Variants in TMEM94 observed in about 807,000 individuals in gnomAD.
The protein encoded by TMEM94 is ER Mg2+ ATPase.
In TMEM94, 81 loss-of-function variants were observed where a neutral mutation model predicts 158.6. The ratio of observed to expected loss-of-function variants is 0.51; its 90% confidence interval spans 0.43 to 0.61. The LOEUF (loss-of-function observed/expected upper bound fraction) is 0.61, where lower values mean the gene tolerates loss of function less well. TMEM94 is among the 20% of genes least tolerant of loss of function. The pLI is 0.00. For missense variants in TMEM94, 1,435 were observed against 1,762.0 expected (o/e 0.81, Z 3.32); for synonymous variants, 751 against 730.7 (o/e 1.03, Z -0.45).
chr17:75,486,029 TC>T (rs11331365), intron 4 of TMEM94, 31 bp downstream of exon 4: 1,311,871 of 1,584,460 alleles, frequency 0.83, 548,777 homozygotes, highest in South Asian at 0.87. Context: ...CCCCAACCTC[TC>T]CAGCTGTGCT....
At chr17:75,465,902 C>G (rs1024085104) in intron 1 of TMEM94, among the ~76,000 whole-genome samples, 2 of 151,158 alleles carry the variant, frequency 1.3e-5, no homozygotes, top group Non-Finnish European at 2.9e-5. Flanking sequence ...AACAATTTAT[C>G]AGTTGTTTTC....
At chr17:75,465,285 T>G (rs1040044491) in intron 1 of TMEM94, among the ~76,000 whole-genome samples, 2 of 152,112 alleles carry the variant, frequency 1.3e-5, no homozygotes, top group African/African-American at 2.4e-5. Flanking sequence ...GTGCTGAAAT[T>G]ACAGGCGTGA....
chr17:75,488,733 C>T (rs764251941), intron 6 of TMEM94, 26 bp from the exon 7 acceptor site: 5 of 1,612,896 alleles, frequency 3.1e-6, no homozygotes, highest in Non-Finnish European at 4.2e-6. Context: ...CCCTCTCGTT[C>T]CCACTCTCCC....
At chr17:75,478,521 G>A (rs1380265739) in intron 2 of TMEM94, among the ~76,000 whole-genome samples, 1 of 152,104 alleles carries the variant, frequency 6.6e-6, no homozygotes, top group Non-Finnish European at 1.5e-5. Flanking sequence ...GACCTCCAGA[G>A]CTGGGCCTGC....
In TMEM94 at chr17:75,485,124, G is replaced by A. The variant is rs1005343828; in HGVS notation, c.25-304G>A. Among the ~76,000 whole-genome samples, 1 of 152,200 alleles carries A rather than the reference G, an allele frequency of 6.6e-6. No homozygotes were observed. Among genetic ancestry groups the A allele is most frequent in the African/African-American group, 2.4e-5 (1 of 41,446 alleles). On this transcript the variant is annotated intron_variant, in intron 2 of 31. Coordinates refer to ENST00000314256, the MANE Select transcript of TMEM94 (RefSeq NM_014738.6). This position sits in a 1 kb window ranked among gnomAD's most constrained non-coding sequence, Gnocchi z 5.5. Reference sequence around the variant, plus strand: ...ATCAGTGGTGAGCACAGCCTGGGTGGGCAGGGAGCTCGCCAGGGGCAGTGG... The same window carrying A: ...ATCAGTGGTGAGCACAGCCTGGGTGAGCAGGGAGCTCGCCAGGGGCAGTGG...
rs1188635916 is a variant in TMEM94, at chr17:75,495,932, G to C, written c.2945-34G>C. 2.0e-6 allele frequency: 3 copies of C among 1,510,556 alleles called. No individual in the cohort carries two copies. Among genetic ancestry groups the C allele is most frequent in the Non-Finnish European group, 1.8e-6 (2 of 1,090,402 alleles). 93.6% of individuals were successfully genotyped at this position (1,510,556 alleles called of 1,614,324 possible). ...CCAGTGCCCACTTGGTGCTCTGCCT[G>C]CCTGACTCTGGTGCCCTTATACGCT... On this transcript the variant is annotated intron_variant, in intron 22 of 31. Coordinates refer to ENST00000314256, the MANE Select transcript of TMEM94 (RefSeq NM_014738.6). This position sits in a 1 kb window ranked among gnomAD's most constrained non-coding sequence, Gnocchi z 5.6.
intron 6 of TMEM94, 108 bp from the exon 7 acceptor site, chr17:75,488,647 GCTAA>G (rs2051844686): frequency 7.7e-7 from 1 of 1,305,832 alleles, no homozygotes; most frequent in Non-Finnish European, 1.1e-6. Context: ...TGGACTCTGG[GCTAA>G]CTGATGGCTC....
At chr17:75,482,444 G>A (rs1476041182) in intron 2 of TMEM94, among the ~76,000 whole-genome samples, 1 of 152,086 alleles carries the variant, frequency 6.6e-6, no homozygotes, top group East Asian at 1.9e-4. Flanking sequence ...AGAGGTGTAA[G>A]CTGCAGCGAA....
At chr17:75,457,470 T>A (rs2049929968) in intron 1 of TMEM94, 1 of 152,190 alleles carries the variant, frequency 6.6e-6, no homozygotes, top group African/African-American at 2.4e-5. Flanking sequence ...AGCCCCGCTC[T>A]TTCATTGGTG....
At chr17:75,473,396 T>C (rs947039275) in intron 2 of TMEM94, among the ~76,000 whole-genome samples, 12 of 152,224 alleles carry the variant, frequency 7.9e-5, no homozygotes, top group African/African-American at 2.9e-4. Flanking sequence ...GGCTCTGCAC[T>C]GCTCAGTTCC....
In TMEM94 at chr17:75,485,702, G is replaced by C; in HGVS notation, c.144+155G>C. 1 of 1,341,732 alleles carries C rather than the reference G, an allele frequency of 7.5e-7. No homozygotes were observed. The highest frequency in any genetic ancestry group is 1.0e-6 in the Non-Finnish European group (1 of 979,556). 83.1% of individuals were successfully genotyped at this position (1,341,732 alleles called of 1,614,324 possible). A position where few individuals can be genotyped will look rare whatever the true frequency, so the allele number is the denominator to read the frequency against. On this transcript the variant is annotated intron_variant, in intron 3 of 31. Coordinates refer to ENST00000314256, the MANE Select transcript of TMEM94 (RefSeq NM_014738.6). The surrounding 1 kb of genome is among the most constrained non-coding windows in gnomAD (Gnocchi z 5.5). Reference sequence around the variant, plus strand: ...CAGAAAGAAGCCAAGGTTCCCCTCAGAGTGGCTCCTGAGCCTGCTTGCTGC... The same window carrying C: ...CAGAAAGAAGCCAAGGTTCCCCTCACAGTGGCTCCTGAGCCTGCTTGCTGC...
rs1184517775 is a variant in TMEM94 at position 75,489,292 on chromosome 17, G to A, written c.791G>A (p.Arg264Gln). The stretch of plus-strand genomic sequence containing the variant: ...TGGTGCCTGGACATGGCCCTGTCCC[G>A]ACCAGTCACTGCCCTGGACAATGAG... ...IRWCLDMALS[R>Q]PVTALDNERF... The change falls in exon 8 of 32, where the codon CGA becomes CAA. Residue 264 changes from arginine to glutamine, a missense_variant. Coordinates refer to ENST00000314256, the MANE Select transcript of TMEM94 (RefSeq NM_014738.6). The surrounding 1 kb of genome is among the most constrained non-coding windows in gnomAD (Gnocchi z 5.0). The A allele has an allele frequency of 2.5e-6, 4 of 1,614,148 alleles. No homozygotes were observed. Among genetic ancestry groups the A allele is most frequent in the East Asian group, 4.5e-5 (2 of 44,880 alleles).
At chr17:75,469,686 C>T (rs7210157) in intron 1 of TMEM94, among the ~76,000 whole-genome samples, 6,842 of 151,554 alleles carry the variant, frequency 0.045, 146 homozygotes, top group Middle Eastern at 0.11. Flanking sequence ...TGTAGTGGCT[C>T]ATGCCTGAAA....
intron 2 of TMEM94, among the ~76,000 whole-genome samples, chr17:75,475,834 C>G (rs2050665646): frequency 6.6e-6 from 1 of 152,214 alleles, no homozygotes; most frequent in Non-Finnish European, 1.5e-5. Context: ...CTCCGTGCTA[C>G]CTGGCAGGAA....
chr17:75,493,998 A>T, intron 18 of TMEM94, 82 bp downstream of exon 18: 1 of 1,381,812 alleles, frequency 7.2e-7, no homozygotes, highest in Admixed American at 2.0e-5. Flanking sequence ...GGGCGTCTGG[A>T]GGGCCCCGGC....
At chr17:75,499,230 C>T (rs747477226) in intron 31 of TMEM94, 32 bp from the exon 32 acceptor site, 3 of 1,612,280 alleles carry the variant, frequency 1.9e-6, no homozygotes, top group Non-Finnish European at 2.5e-6. Context: ...AGGATCTTTG[C>T]CAACCTGTAC....
At chr17:75,478,690 C>T (rs1176162951) in intron 2 of TMEM94, among the ~76,000 whole-genome samples, 1 of 152,202 alleles carries the variant, frequency 6.6e-6, no homozygotes, top group Non-Finnish European at 1.5e-5. Context: ...TCTCCCGAGT[C>T]AGGACTTCCT....
Position 75,493,691 on chromosome 17 carries a change from C to T in TMEM94, c.2190-8C>T, listed in dbSNP as rs2052424616. ...CACTCACCTCACCTCCGCCTGCTTC[C>T]CTGGCAGAAAGAAAGTGCTGGACTT... On this transcript the variant is annotated splice_polypyrimidine_tract_variant and splice_region_variant and intron_variant, in intron 17 of 31. Transcript: ENST00000314256. The T allele has an allele frequency of 1.2e-6, 2 of 1,613,952 alleles. No individual in the cohort carries two copies. Among genetic ancestry groups the T allele is most frequent in the Admixed American group, 1.7e-5 (1 of 60,030 alleles).
At chr17:75,496,992 CT>C in intron 25 of TMEM94, 120 bp from the exon 26 acceptor site, 13 of 1,049,094 alleles carry the variant, frequency 1.2e-5, no homozygotes, top group Non-Finnish European at 1.9e-5. Context: ...CCTCCGGCCC[CT>C]GTTCCCTCTG....
Sources: gnomAD v4.1 joint callset for allele counts (sites outside exome capture counted in the v4.1 genomes callset) on GRCh38, gnomAD v4.1.1 for gene constraint, Gnocchi (gnomAD v3.1) non-coding constraint, MANE v1.5 for transcripts, NCBI Gene and HGNC (gene_info 2026-07-23, HGNC 2026-07-21) for gene names.